Variants in MARCHF10 observed in about 807,000 individuals in gnomAD.
The protein encoded by MARCHF10 is membrane associated ring-CH-type finger 10, also known as probable E3 ubiquitin-protein ligase MARCHF10.
In MARCHF10, 64 loss-of-function variants were observed where a neutral mutation model predicts 76.2. The ratio of observed to expected loss-of-function variants is 0.84; its 90% CI spans 0.69 to 1.03. The LOEUF (loss-of-function observed/expected upper bound fraction) is 1.03. Among genes scored for constraint, MARCHF10 ranks in the 50% least tolerant of loss-of-function variants. The pLI, the probability that MARCHF10 is intolerant of heterozygous loss-of-function variation, is 0.00. For missense variants in MARCHF10, 875 were observed against 958.0 expected (o/e 0.91, Z 1.14); for synonymous variants, 340 against 357.5 (o/e 0.95, Z 0.55).
Position 62,788,537 on chromosome 17 carries a change from C to G in MARCHF10, c.153G>C (p.Trp51Cys). 1.2e-6 allele frequency: 2 copies of G among 1,614,154 alleles called. No homozygotes were observed. The highest frequency in any genetic ancestry group is 1.7e-6 in the Non-Finnish European group (2 of 1,180,032). Residue 51 changes from tryptophan to cysteine, a missense_variant, in exon 3 of 11, where the codon TGG (tryptophan) becomes TGC (cysteine). Transcript: ENST00000311269. ...DPNEKKRDQF[W>C]GQETSFERSR... ...ATCTCTCAAAACTTGTCTCTTGCCC[C>G]CAAAACTGATCGCGTTTCTTCTCAT...
intron 1 of MARCHF10, 49 bp from the exon 2 acceptor site, chr17:62,801,801 G>A: frequency 7.7e-7 from 1 of 1,305,052 alleles, no homozygotes; most frequent in Non-Finnish European, 1.1e-6. Context: ...CCTTTGTCGT[G>A]ATGCCGTATT....
At chr17:62,793,927 CCTCT>C (rs537360904) in intron 2 of MARCHF10, among the ~76,000 whole-genome samples, 101 of 150,388 alleles carry the variant, frequency 6.7e-4, no homozygotes, top group African/African-American at 2.3e-3. Context: ...ACCACCACCA[CCTCT>C]ATCAACCACA....
chr17:62,749,230 A>G (rs375068409), intron 4 of MARCHF10, among the ~76,000 whole-genome samples: 3 of 152,214 alleles, frequency 2.0e-5, no homozygotes, highest in Non-Finnish European at 4.4e-5. Context: ...TAGAAATCTT[A>G]TATTTGTACA....
At position 62,712,639 on chromosome 17, in the gene MARCHF10, T is replaced by C. The variant is rs2089990123; in HGVS notation, c.2215-1295A>G. Among the ~76,000 whole-genome samples the C allele has an allele frequency of 6.6e-6, 1 of 152,248 alleles. No homozygotes were observed. Among genetic ancestry groups the C allele is most frequent in the African/African-American group, 2.4e-5 (1 of 41,472 alleles). On this transcript the variant is annotated intron_variant, in intron 8 of 10. Coordinates refer to ENST00000311269, the MANE Select transcript of MARCHF10 (RefSeq NM_152598.4). This position sits in a 1 kb window ranked among gnomAD's most constrained non-coding sequence, Gnocchi z 4.2. ...TTCGAAGGCCCCAGTCCTCTGTCCT[T>C]AGCAGTTAGCCTCCTATTTTTAGCC...
At chr17:62,710,924 T>C (rs1175096413) in intron 9 of MARCHF10, among the ~76,000 whole-genome samples, 2 of 152,184 alleles carry the variant, frequency 1.3e-5, no homozygotes, top group Non-Finnish European at 2.9e-5. Context: ...AACCAGCCCC[T>C]GCATCCTTGC....
intron 3 of MARCHF10, among the ~76,000 whole-genome samples, chr17:62,787,482 C>G (rs973556081): frequency 6.6e-6 from 1 of 152,174 alleles, no homozygotes; most frequent in Admixed American, 6.5e-5. Flanking sequence ...AGGCATATTA[C>G]TCATCTTAAA....
chr17:62,735,700 A>C, intron 6 of MARCHF10: 1 of 526,710 alleles, frequency 1.9e-6, no homozygotes, highest in Non-Finnish European at 3.3e-6. Flanking sequence ...CAAGGAAAAA[A>C]ACACTTTGGG....
At chr17:62,713,522 C>A (rs763019092) in intron 8 of MARCHF10, among the ~76,000 whole-genome samples, 7 of 152,216 alleles carry the variant, frequency 4.6e-5, no homozygotes, top group African/African-American at 1.7e-4. Context: ...GGCTCGGTTC[C>A]TTTATGTGCG....
intron 3 of MARCHF10, among the ~76,000 whole-genome samples, chr17:62,766,390 C>T (rs771368981): frequency 2.0e-5 from 3 of 151,958 alleles, no homozygotes; most frequent in Non-Finnish European, 4.4e-5. Flanking sequence ...ATCCCAGCTA[C>T]TCAGGAGGCT....
At chr17:62,801,540 G>C (rs2093073298) in intron 2 of MARCHF10, 106 bp downstream of exon 2, 1 of 964,840 alleles carries the variant, frequency 1.0e-6, no homozygotes, top group African/African-American at 1.6e-5. Flanking sequence ...GGTGGGTTTG[G>C]ATTTTAGAAA....
At chr17:62,762,936 T>C (rs2092245897) in intron 3 of MARCHF10, among the ~76,000 whole-genome samples, 2 of 152,188 alleles carry the variant, frequency 1.3e-5, no homozygotes, top group African/African-American at 2.4e-5. Context: ...CACTAAAGTG[T>C]GGTACTTAAG....
At chr17:62,780,185 T>C (rs1457892715) in intron 3 of MARCHF10, among the ~76,000 whole-genome samples, 20 of 88,910 alleles carry the variant, frequency 2.2e-4, no homozygotes, top group Non-Finnish European at 4.6e-4. Flanking sequence ...CTAGTGCCAC[T>C]AGGGATCTAC....
intron 3 of MARCHF10, among the ~76,000 whole-genome samples, chr17:62,773,860 C>T (rs773695965): frequency 2.6e-5 from 4 of 152,302 alleles, no homozygotes; most frequent in South Asian, 2.1e-4. Flanking sequence ...GGCCTTTCAG[C>T]GGCATCACTT....
intron 10 of MARCHF10, among the ~76,000 whole-genome samples, chr17:62,703,964 C>T (rs905066938): frequency 6.6e-6 from 1 of 152,130 alleles, no homozygotes; most frequent in Non-Finnish European, 1.5e-5. Context: ...CCCTGCCCAG[C>T]GGAAGCCACG....
intron 3 of MARCHF10, among the ~76,000 whole-genome samples, chr17:62,774,748 C>T (rs2092515572): frequency 6.6e-6 from 1 of 152,134 alleles, no homozygotes; most frequent in African/African-American, 2.4e-5. Context: ...GACTTAAGAT[C>T]CAGCTTAAAA....
At chr17:62,723,348 T>G (rs529802183) in intron 7 of MARCHF10, among the ~76,000 whole-genome samples, 1 of 151,702 alleles carries the variant, frequency 6.6e-6, no homozygotes, top group Admixed American at 6.6e-5. Flanking sequence ...TTGCGGCTTT[T>G]GACTAATGAT....
At chr17:62,707,228 T>C (rs1568088697) in intron 9 of MARCHF10, among the ~76,000 whole-genome samples, 1 of 152,226 alleles carries the variant, frequency 6.6e-6, no homozygotes, top group African/African-American at 2.4e-5. Flanking sequence ...AACTGTTCCA[T>C]GGCCTCCAGA....
At position 62,729,537 on chromosome 17, in the gene MARCHF10, T is replaced by C. The variant is rs189312258; in HGVS notation, c.1938-4433A>G. On this transcript the variant is annotated intron_variant, in intron 6 of 10. Coordinates refer to ENST00000311269, the MANE Select transcript of MARCHF10 (RefSeq NM_152598.4). ...TAATCTATGTGTGTATATATATACA[T>C]ATATATGTATAAATATACAAATATA... 6.5e-4 allele frequency among the ~76,000 whole-genome samples: 96 copies of C among 148,024 alleles called. 1 individual carries two copies. The highest frequency in any genetic ancestry group is 2.3e-3 in the African/African-American group (93 of 40,814).
intron 2 of MARCHF10, among the ~76,000 whole-genome samples, chr17:62,791,841 TG>T (rs1412281443): frequency 1.5e-5 from 2 of 134,700 alleles, no homozygotes; most frequent in African/African-American, 2.8e-5. Flanking sequence ...GCGGGGCGGG[TG>T]GGGGGAGCCT....
Sources: allele counts gnomAD v4.1 joint callset (sites outside exome capture counted in the v4.1 genomes callset), GRCh38; gene constraint gnomAD v4.1.1; non-coding constraint Gnocchi (gnomAD v3.1); transcripts MANE v1.5; gene names NCBI Gene and HGNC (gene_info 2026-07-23, HGNC 2026-07-21).